The following CECR2 variants were observed in gnomAD, a reference collection of about 807,000 sequenced individuals.
The protein encoded by CECR2 is chromatin remodeling regulator CECR2.
CECR2 carries 30 observed loss-of-function variants against 154.5 expected under a neutral mutation model. The observed-to-expected ratio is 0.19, with a 90% CI of 0.15 to 0.26. CECR2 has a LOEUF of 0.26. Among genes scored for constraint, CECR2 ranks in the 10% least tolerant of loss-of-function variants. CECR2 has a pLI of 1.00. For missense variants in CECR2, 1,743 were observed against 1,829.3 expected, an observed-to-expected ratio of 0.95 and a Z score of 0.86; for synonymous variants, 725 against 683.7, an observed-to-expected ratio of 1.06 and a Z score of -0.94.
At chr22:17,525,532 G>A (rs1206390736) in intron 9 of CECR2, among the ~76,000 whole-genome samples, 1 of 152,022 alleles carries the variant, frequency 6.6e-6, no homozygotes, top group African/African-American at 2.4e-5. Context: ...CTTGAACCCC[G>A]GAGGTGGAAG....
rs780734212 is a variant in CECR2 at position 17,487,399 on chromosome 22, C to T, written c.221+9717C>T. On this transcript the variant is annotated intron_variant, in intron 2 of 18. Coordinates refer to ENST00000262608, the MANE Select transcript of CECR2 (RefSeq NM_001290047.2). ...GTGTTTTGAGCTACGGTTTAAGCAG[C>T]GTAAAAATATTTTTCATTGGTTGGG... Among the ~76,000 whole-genome samples the T allele has an allele frequency of 3.9e-5, 6 of 152,242 alleles. No homozygotes were observed. In the South Asian group the frequency reaches 8.3e-4, roughly 21 times the overall value.
intron 1 of CECR2, among the ~76,000 whole-genome samples, chr22:17,422,559 C>A (rs146691479): frequency 1.3e-5 from 2 of 152,250 alleles, no homozygotes; most frequent in African/African-American, 4.8e-5. Context: ...GGTTTGGTGT[C>A]TGACATTAAT....
chr22:17,493,856 A>G (rs570783652), intron 2 of CECR2, among the ~76,000 whole-genome samples: 16 of 152,360 alleles, frequency 1.1e-4, no homozygotes, highest in Non-Finnish European at 1.9e-4. Flanking sequence ...CTGGCCCAGC[A>G]TCTTCTGCAC....
intron 1 of CECR2, among the ~76,000 whole-genome samples, chr22:17,389,063 C>T (rs1211415693): frequency 1.3e-5 from 2 of 152,152 alleles, no homozygotes; most frequent in Non-Finnish European, 2.9e-5. Context: ...ATCCACCCTC[C>T]TTGGCCTCCC....
chr22:17,423,934 G>A (rs1388768127), intron 1 of CECR2, among the ~76,000 whole-genome samples: 2 of 152,176 alleles, frequency 1.3e-5, no homozygotes, highest in East Asian at 1.9e-4. Flanking sequence ...ATTTAGCATC[G>A]TTTTAAAGCC....
intron 1 of CECR2, among the ~76,000 whole-genome samples, chr22:17,396,672 C>T (rs1197247480): frequency 6.6e-6 from 1 of 152,192 alleles, no homozygotes; most frequent in Non-Finnish European, 1.5e-5. Flanking sequence ...AAAGTTTAAG[C>T]AGGGCTGAGT....
chr22:17,414,155 G>A (rs4819582), intron 1 of CECR2, among the ~76,000 whole-genome samples: 5,270 of 151,172 alleles, frequency 0.035, 237 homozygotes, highest in East Asian at 0.11. Flanking sequence ...TGTATTTTTA[G>A]TAGAGATGGG....
At chr22:17,496,774 C>A (rs913063150) in intron 2 of CECR2, among the ~76,000 whole-genome samples, 2 of 152,166 alleles carry the variant, frequency 1.3e-5, no homozygotes, top group Admixed American at 1.3e-4. Context: ...GTACGCGTAG[C>A]GGGTGAGACT....
rs576448088 is a variant in CECR2 at position 17,376,398 on chromosome 22, G to A, written c.126+6489G>A. On this transcript the variant is annotated intron_variant, in intron 1 of 18. Transcript: ENST00000262608. ...AATGTTCTGGAATACACTTAGGAAA[G>A]CCTAAAATACACCTTGGCAGCATTC... 1.7e-4 allele frequency among the ~76,000 whole-genome samples: 22 copies of A among 126,472 alleles called. No homozygotes were observed. In the East Asian group the frequency reaches 3.3e-3, roughly 19 times the overall value. 83.0% of individuals were successfully genotyped at this position (126,472 alleles called of 152,430 possible).
intron 17 of CECR2, 56 bp downstream of exon 17, chr22:17,549,620 T>C: frequency 7.2e-7 from 1 of 1,387,458 alleles, no homozygotes; most frequent in Admixed American, 2.4e-5. Context: ...TTATTTTATG[T>C]ATTTATTTTT....
In CECR2 at chr22:17,409,977, T is replaced by G. The variant is rs937629435; in HGVS notation, c.126+40068T>G. On this transcript the variant is annotated intron_variant, in intron 1 of 18. Transcript: ENST00000262608. ...AGTGTTTGCTGTCTATTTATTTATTTATTTATTTATTTATTTATTTTTGAG... is the reference window on the plus strand; with the variant it reads ...AGTGTTTGCTGTCTATTTATTTATTGATTTATTTATTTATTTATTTTTGAG... Among the ~76,000 whole-genome samples, 3 of 106,810 alleles carry G rather than the reference T, an allele frequency of 2.8e-5. 1 individual carries two copies. Among genetic ancestry groups the G allele is most frequent in the Non-Finnish European group, 6.5e-5 (3 of 45,894 alleles). 70.1% of individuals were successfully genotyped at this position (106,810 alleles called of 152,430 possible). A position where few individuals can be genotyped will look rare whatever the true frequency, so the allele number is the denominator to read the frequency against.
At chr22:17,501,797 A>G (rs2055743423) in intron 5 of CECR2, among the ~76,000 whole-genome samples, 1 of 152,180 alleles carries the variant, frequency 6.6e-6, no homozygotes, top group African/African-American at 2.4e-5. Flanking sequence ...GTTTCCCCAT[A>G]AGTATCAAGA....
At chr22:17,544,743 G>T (rs2056583452) in intron 16 of CECR2, among the ~76,000 whole-genome samples, 1 of 147,256 alleles carries the variant, frequency 6.8e-6, no homozygotes, top group South Asian at 2.1e-4. Context: ...CCGGGAGGCG[G>T]AGGTTGCAGT....
chr22:17,434,545 A>C (rs887085899), intron 1 of CECR2, among the ~76,000 whole-genome samples: 8 of 152,116 alleles, frequency 5.3e-5, no homozygotes, highest in African/African-American at 1.7e-4. Context: ...CTTTTTGGAC[A>C]CTAACCCTTT....
intron 14 of CECR2, 147 bp downstream of exon 14, chr22:17,540,947 T>G: frequency 1.0e-6 from 1 of 953,830 alleles, no homozygotes; most frequent in East Asian, 2.9e-5. Context: ...CATGTGATTT[T>G]ATTTTGTTTA....
intron 1 of CECR2, among the ~76,000 whole-genome samples, chr22:17,402,587 C>CTAT (rs1333385126): frequency 1.3e-5 from 2 of 152,152 alleles, no homozygotes; most frequent in Admixed American, 6.6e-5. Flanking sequence ...CTGATCTCTT[C>CTAT]TATAAACCCT....
chr22:17,431,183 C>G (rs537296908), intron 1 of CECR2, among the ~76,000 whole-genome samples: 1 of 152,190 alleles, frequency 6.6e-6, no homozygotes, highest in African/African-American at 2.4e-5. Context: ...TTTAATCAGG[C>G]ATTTAATATA....
At chr22:17,453,374 G>A (rs996232919) in intron 1 of CECR2, among the ~76,000 whole-genome samples, 34 of 152,158 alleles carry the variant, frequency 2.2e-4, no homozygotes, top group African/African-American at 2.2e-4. Context: ...CCCAGGAGGC[G>A]GAGGTTGTGG....
At chr22:17,502,613 C>T (rs1332051837) in intron 5 of CECR2, among the ~76,000 whole-genome samples, 2 of 152,074 alleles carry the variant, frequency 1.3e-5, no homozygotes, top group Non-Finnish European at 2.9e-5. Context: ...ACCAGCCTGG[C>T]CAACATGGTG....
Sources: gnomAD v4.1 joint callset for allele counts (sites outside exome capture counted in the v4.1 genomes callset) on GRCh38, gnomAD v4.1.1 for gene constraint, MANE v1.5 for transcripts, NCBI Gene and HGNC (gene_info 2026-07-23, HGNC 2026-07-21) for gene names.